The following EYS variants were observed in gnomAD, a reference collection of about 807,000 sequenced individuals.
The protein encoded by EYS is protein eyes shut homolog.
A neutral mutation model predicts 282.1 loss-of-function variants in EYS; 250 were observed. The observed-to-expected ratio is 0.89, with a 90% CI of 0.80 to 0.98. EYS has a LOEUF of 0.98. EYS is among the 50% of genes least tolerant of loss of function. EYS has a pLI of 0.00. For missense variants in EYS, 4,016 were observed against 3,709.0 expected, an observed-to-expected ratio of 1.08 and a Z score of -2.15; for synonymous variants, 1,355 against 1,282.9, an observed-to-expected ratio of 1.06 and a Z score of -1.20.
intron 28 of EYS, among the ~76,000 whole-genome samples, chr6:64,390,959 G>A (rs1484570500): frequency 4.0e-5 from 6 of 151,734 alleles, no homozygotes; most frequent in Non-Finnish European, 7.4e-5. Context: ...ACCAAGGCTC[G>A]AGAACTACGT....
chr6:64,826,682 G>GTA (rs3065326), intron 19 of EYS, among the ~76,000 whole-genome samples: 5,209 of 144,240 alleles, frequency 0.036, 111 homozygotes, highest in Non-Finnish European at 0.051. Context: ...ATGATTTTAT[G>GTA]TATATATATA....
chr6:63,937,384 T>TTTTTTTTTTTTTTTTTTTG (rs1765097884), intron 35 of EYS, among the ~76,000 whole-genome samples: 1 of 85,490 alleles, frequency 1.2e-5, no homozygotes, highest in Non-Finnish European at 2.3e-5. Flanking sequence ...TTTTTTTTTT[T>TTTTTTTTTTTTTTTTTTTG]TTTTTTTTTT....
rs140089444 is a variant in EYS at position 64,321,244 on chromosome 6, C to T, written c.6079-14162G>A. Among the ~76,000 whole-genome samples the T allele has an allele frequency of 8.0e-3, 1,212 of 151,774 alleles. 12 individuals are homozygous for T. The highest frequency in any genetic ancestry group is 0.034 in the Middle Eastern group (10 of 294). Reference sequence around the variant, plus strand: ...AATCTTTTAAACATTTACAGTCTCTCCACTATCATGTTTAAAATTTACTTT... The same window carrying T: ...AATCTTTTAAACATTTACAGTCTCTTCACTATCATGTTTAAAATTTACTTT... On this transcript the variant is annotated intron_variant, in intron 29 of 42. Coordinates refer to ENST00000503581, the MANE Select transcript of EYS (RefSeq NM_001142800.2).
intron 8 of EYS, among the ~76,000 whole-genome samples, chr6:65,356,101 TAAAG>T (rs935682208): frequency 8.5e-5 from 13 of 152,086 alleles, no homozygotes; most frequent in Non-Finnish European, 2.9e-5. Flanking sequence ...GATGACTAGA[TAAAG>T]AAAATTGTTT....
intron 13 of EYS, among the ~76,000 whole-genome samples, chr6:65,022,215 A>C (rs1013741295): frequency 1.3e-5 from 2 of 152,194 alleles, no homozygotes; most frequent in Non-Finnish European, 2.9e-5. Flanking sequence ...GATCATTTTT[A>C]ACCTTATTTA....
chr6:64,913,381 A>G (rs938890389), intron 15 of EYS, among the ~76,000 whole-genome samples: 1 of 152,110 alleles, frequency 6.6e-6, no homozygotes, highest in Non-Finnish European at 1.5e-5. Context: ...AACCCAATAA[A>G]TAGATTTTCA....
rs188166133 is a variant in EYS, at chr6:65,494,401, C to T, written c.748+262G>A. Among the ~76,000 whole-genome samples, 1,408 of 151,994 alleles carry T rather than the reference C, an allele frequency of 9.3e-3. 18 individuals are homozygous for T. Among genetic ancestry groups the T allele is most frequent in the African/African-American group, 0.032 (1,309 of 41,500 alleles). On this transcript the variant is annotated intron_variant, in intron 4 of 42. Coordinates refer to ENST00000503581, the MANE Select transcript of EYS (RefSeq NM_001142800.2). Reference sequence around the variant, plus strand: ...CACCCCATTCTCCTGCCTCAGCCTCCGGAGTAGCTGGGACTACAGGCGCCC... The same window carrying T: ...CACCCCATTCTCCTGCCTCAGCCTCTGGAGTAGCTGGGACTACAGGCGCCC...
chr6:65,225,226 T>C (rs1425327405), intron 12 of EYS, among the ~76,000 whole-genome samples: 2 of 150,576 alleles, frequency 1.3e-5, no homozygotes. Flanking sequence ...TCAACAAAAC[T>C]AAGTCTAAAA....
chr6:63,872,508 C>T (rs545612766), intron 35 of EYS, among the ~76,000 whole-genome samples: 1 of 125,178 alleles, frequency 8.0e-6, no homozygotes, highest in African/African-American at 3.1e-5. Flanking sequence ...GACCTAGTCT[C>T]GCTCTTGTCA....
chr6:64,453,165 A>C (rs1775423714), intron 26 of EYS, among the ~76,000 whole-genome samples: 2 of 149,426 alleles, frequency 1.3e-5, no homozygotes, highest in Admixed American at 1.3e-4. Context: ...TACAAGAAAA[A>C]AACAAACAAC....
At chr6:65,625,654 A>G (rs1229042156) in intron 2 of EYS, among the ~76,000 whole-genome samples, 1 of 152,232 alleles carries the variant, frequency 6.6e-6, no homozygotes, top group African/African-American at 2.4e-5. Flanking sequence ...TTACTGAATA[A>G]ATGAAATTTA....
intron 22 of EYS, among the ~76,000 whole-genome samples, chr6:64,661,267 C>G (rs573741279): frequency 6.6e-6 from 1 of 152,236 alleles, no homozygotes; most frequent in African/African-American, 2.4e-5. Flanking sequence ...CATGTTAGAC[C>G]TGAAACCATA....
chr6:63,819,660 T>G (rs1484926517), intron 36 of EYS, among the ~76,000 whole-genome samples: 2 of 152,192 alleles, frequency 1.3e-5, no homozygotes, highest in African/African-American at 4.8e-5. Flanking sequence ...GGTGATAAAT[T>G]TCATAAGTTC....
rs542969072 is a variant in EYS at position 64,804,009 on chromosome 6, G to T, written c.3443+9369C>A. On this transcript the variant is annotated intron_variant, in intron 22 of 42. Transcript: ENST00000503581. ...GCTCTCACCCAACCGACTTGGAAGG[G>T]GGCGTGGTTCCTGCCTGCTCCTTGG... Among the ~76,000 whole-genome samples, 3 of 152,288 alleles carry T rather than the reference G, an allele frequency of 2.0e-5. No individual in the cohort carries two copies. In the South Asian group the frequency reaches 6.2e-4, roughly 32 times the overall value.
intron 15 of EYS, among the ~76,000 whole-genome samples, chr6:64,923,038 A>G (rs1210592776): frequency 6.6e-6 from 1 of 151,976 alleles, no homozygotes; most frequent in Non-Finnish European, 1.5e-5. Flanking sequence ...ACTTTTCTTG[A>G]GGATGTGCCT....
In EYS at chr6:64,593,302, G is replaced by A. The variant is rs1205932387; in HGVS notation, c.3692C>T (p.Ser1231Phe). 6.5e-7 allele frequency: 1 copy of A among 1,548,496 alleles called. No individual in the cohort carries two copies. Among genetic ancestry groups the A allele is most frequent in the Non-Finnish European group, 8.7e-7 (1 of 1,145,292 alleles). ...CLCTPGFMTC[S>F]IGLLCGDEIR... is the part of the protein sequence containing the mutation. ...TTCATCACCACAAAGAAGCCCAATG[G>A]AGCAGGTCTGCAAATGACAATTACA... The change falls in exon 25 of 43, where the codon TCC (serine) becomes TTC (phenylalanine). Residue 1231 changes from serine to phenylalanine, a missense_variant. By Grantham distance (155) the Ser-to-Phe change is radical. Coordinates refer to ENST00000503581, the MANE Select transcript of EYS (RefSeq NM_001142800.2).
chr6:64,486,753 C>G (rs1472082171), intron 26 of EYS, among the ~76,000 whole-genome samples: 2 of 151,314 alleles, frequency 1.3e-5, no homozygotes, highest in Non-Finnish European at 3.0e-5. Context: ...AAAGGGTCAT[C>G]TAATTCAGCC....
intron 35 of EYS, among the ~76,000 whole-genome samples, chr6:63,877,217 C>T (rs1406400198): frequency 5.9e-5 from 9 of 152,088 alleles, no homozygotes; most frequent in Non-Finnish European, 1.3e-4. Flanking sequence ...TTTATTTCTC[C>T]TTCACTTATG....
chr6:64,148,570 A>G (rs577339215), intron 31 of EYS, among the ~76,000 whole-genome samples: 2 of 152,262 alleles, frequency 1.3e-5, no homozygotes, highest in Non-Finnish European at 2.9e-5. Context: ...TATTCCATCA[A>G]AATAACAGTT....
Sources: allele counts gnomAD v4.1 joint callset (sites outside exome capture counted in the v4.1 genomes callset), GRCh38; gene constraint gnomAD v4.1.1; transcripts MANE v1.5; gene names NCBI Gene and HGNC (gene_info 2026-07-23, HGNC 2026-07-21).